The following MYO1F variants were observed in gnomAD, a reference collection of about 807,000 sequenced individuals.
MYO1F encodes myosin IF.
MYO1F carries 60 observed loss-of-function variants against 146.6 expected under a neutral mutation model. The ratio of observed to expected loss-of-function variants is 0.41; its 90% CI spans 0.33 to 0.51. The LOEUF (loss-of-function observed/expected upper bound fraction) is 0.51. Among genes scored for constraint, MYO1F ranks in the 20% least tolerant of loss-of-function variants. The probability of loss-of-function intolerance (pLI) is 0.25; values close to 1 mark genes in which losing one functional copy is unlikely to be tolerated. For synonymous variants in MYO1F, 602 were observed against 602.1 expected, an observed-to-expected ratio of 1.00 and a Z score of 0.00; for missense variants, 1,274 against 1,534.3, an observed-to-expected ratio of 0.83 and a Z score of 2.83.
chr19:8,571,089 G>C (rs1461531728), intron 1 of MYO1F, among the ~76,000 whole-genome samples: 2 of 152,230 alleles, frequency 1.3e-5, no homozygotes, highest in Non-Finnish European at 2.9e-5. Flanking sequence ...ATGGGCTCCA[G>C]GCTGTCTGCT....
chr19:8,574,310 G>A (rs2145994260), intron 1 of MYO1F, among the ~76,000 whole-genome samples: 1 of 152,182 alleles, frequency 6.6e-6, no homozygotes, highest in Middle Eastern at 3.4e-3. Context: ...TACCACAATC[G>A]TCACCTCCGT....
chr19:8,557,548 T>A (rs1421503593), intron 1 of MYO1F, among the ~76,000 whole-genome samples: 2 of 152,154 alleles, frequency 1.3e-5, no homozygotes, highest in Non-Finnish European at 2.9e-5. Flanking sequence ...ATGGATTATC[T>A]GTCTCAGTCC....
At chr19:8,534,284 C>G (rs1453135872) in intron 19 of MYO1F, among the ~76,000 whole-genome samples, 1 of 151,794 alleles carries the variant, frequency 6.6e-6, no homozygotes, top group Non-Finnish European at 1.5e-5. Flanking sequence ...AAATATAGCA[C>G]AGTTAAACCG....
intron 6 of MYO1F, 96 bp from the exon 7 acceptor site, chr19:8,552,260 T>C: frequency 7.5e-7 from 1 of 1,326,860 alleles, no homozygotes; most frequent in Non-Finnish European, 1.1e-6. Context: ...CTCTCTTCCC[T>C]TCTTCCTTTT....
Position 8,553,330 on chromosome 19 carries a change from T to G in MYO1F, c.414+20A>C, listed in dbSNP as rs768317329. The stretch of plus-strand genomic sequence containing the variant: ...CAGGTGAGGGCGACCCAGCTTATCC[T>G]TCTGTTTTCCTCGTCTCACCTGGAC... On this transcript the variant is annotated intron_variant, in intron 5 of 27. Transcript: ENST00000644032. 6.2e-7 allele frequency: 1 copy of G among 1,613,462 alleles called. No individual in the cohort carries two copies. Among genetic ancestry groups the G allele is most frequent in the African/African-American group, 1.3e-5 (1 of 74,880 alleles).
intron 15 of MYO1F, 51 bp downstream of exon 15, chr19:8,541,855 C>T (rs1374944404): frequency 4.6e-6 from 7 of 1,536,668 alleles, no homozygotes; most frequent in Non-Finnish European, 5.4e-6. Context: ...GTCCTCCCTC[C>T]ATCCCCTTGG....
At chr19:8,544,024 CGGTGGCGGTGGCGGTGCTGGTGGT>C in intron 14 of MYO1F, 1 of 285,032 alleles carries the variant, frequency 3.5e-6, no homozygotes, top group Non-Finnish European at 6.0e-6. Flanking sequence ...GTGGCGGTGG[CGGTGGCGGTGGCGGTGCTGGTGGT>C]GGTGGTGGTG....
At chr19:8,566,121 A>C (rs1189462269) in intron 1 of MYO1F, among the ~76,000 whole-genome samples, 3 of 146,216 alleles carry the variant, frequency 2.1e-5, no homozygotes, top group Non-Finnish European at 4.5e-5. Context: ...CCCAAACACC[A>C]AACTAGCACT....
chr19:8,524,655 C>T (rs1337919241), intron 25 of MYO1F, among the ~76,000 whole-genome samples: 2 of 151,754 alleles, frequency 1.3e-5, no homozygotes, highest in Admixed American at 1.3e-4. Context: ...TGATCTTGAA[C>T]TCAAGTGATC....
At position 8,543,720 on chromosome 19, in the gene MYO1F, GTGGTGCTGGTGGTGC is replaced by G. The variant is rs1555723794; in HGVS notation, c.1524+562_1524+576del. On this transcript the variant is annotated intron_variant, in intron 14 of 27. Transcript: ENST00000644032. Reference sequence around the variant, plus strand: ...GGTGGTGGTGGTGCTGGTGGTGGTGGTGGTGCTGGTGGTGCTGGTGGTGCTGGTGGTGGTGGTGGT... The same window carrying G: ...GGTGGTGGTGGTGCTGGTGGTGGTGGTGGTGGTGCTGGTGGTGGTGGTGGT... 6.4e-3 allele frequency among the ~76,000 whole-genome samples: 75 copies of G among 11,696 alleles called. 2 individuals are homozygous for G. The highest frequency in any genetic ancestry group is 0.017 in the East Asian group (7 of 404). The allele number at this position is 11,696 out of a possible 152,430, so 7.7% of individuals were successfully genotyped here. A position where few individuals can be genotyped will look rare whatever the true frequency, so the allele number is the denominator to read the frequency against.
chr19:8,534,172 C>G (rs1972606551), intron 19 of MYO1F, among the ~76,000 whole-genome samples: 1 of 142,848 alleles, frequency 7.0e-6, no homozygotes, highest in Non-Finnish European at 1.5e-5. Flanking sequence ...GAGCGAGACT[C>G]TGTCTAAAAA....
At chr19:8,526,711 G>A (rs1357089916) in intron 23 of MYO1F, 78 bp downstream of exon 23, 2 of 1,534,774 alleles carry the variant, frequency 1.3e-6, no homozygotes, top group African/African-American at 1.4e-5. Context: ...AGCGCAGTTC[G>A]GCCGGGTCGG....
At chr19:8,548,461 C>T in intron 10 of MYO1F, 144 bp from the exon 11 acceptor site, 1 of 747,598 alleles carries the variant, frequency 1.3e-6, no homozygotes, top group Non-Finnish European at 2.3e-6. Context: ...TTAGCTCTGC[C>T]CTTCCTGGCT....
chr19:8,551,628 A>G, intron 8 of MYO1F, 112 bp downstream of exon 8: 1 of 1,516,782 alleles, frequency 6.6e-7, no homozygotes, highest in Non-Finnish European at 9.1e-7. Flanking sequence ...CTGGGATTAC[A>G]GGCTTGAGCC....
chr19:8,539,866 G>A (rs1237133020), intron 16 of MYO1F, 81 bp downstream of exon 16: 8 of 1,253,894 alleles, frequency 6.4e-6, no homozygotes, highest in African/African-American at 1.5e-5. Context: ...GTTGGAATGA[G>A]AGAAACAGAG....
chr19:8,574,719 CTCTT>C (rs569259997), intron 1 of MYO1F, among the ~76,000 whole-genome samples: 33 of 131,540 alleles, frequency 2.5e-4, no homozygotes, highest in African/African-American at 6.7e-4. Context: ...CTTTTTCTTT[CTCTT>C]TCTTTCTTTC....
intron 1 of MYO1F, among the ~76,000 whole-genome samples, chr19:8,572,487 C>T (rs899910251): frequency 2.0e-5 from 3 of 152,052 alleles, no homozygotes; most frequent in African/African-American, 4.8e-5. Context: ...AGACTGGTCT[C>T]GAACACCTGA....
At chr19:8,553,068 T>C in intron 6 of MYO1F, 71 bp downstream of exon 6, 2 of 1,371,774 alleles carry the variant, frequency 1.5e-6, no homozygotes, top group Non-Finnish European at 2.1e-6. Flanking sequence ...GGTGTGTGTA[T>C]GTGTGGGTGT....
intron 27 of MYO1F, 70 bp from the exon 28 acceptor site, chr19:8,521,674 C>T (rs1441078697): frequency 2.8e-6 from 4 of 1,412,160 alleles, no homozygotes; most frequent in Non-Finnish European, 3.0e-6. Context: ...CTGGTCTGTC[C>T]ATCTTGTTCA....
Sources: gnomAD v4.1 joint callset for allele counts (sites outside exome capture counted in the v4.1 genomes callset) on GRCh38, gnomAD v4.1.1 for gene constraint, MANE v1.5 for transcripts, NCBI Gene and HGNC (gene_info 2026-07-23, HGNC 2026-07-21) for gene names.